Variants in CCDC18 observed in about 807,000 individuals in gnomAD.
CCDC18 encodes the protein coiled-coil domain containing 18, also known as coiled-coil domain-containing protein 18.
Under a neutral mutation model 196.0 loss-of-function variants are expected in CCDC18, and 157 were observed. The observed-to-expected ratio is 0.80, with a 90% CI of 0.70 to 0.91. CCDC18 has a LOEUF of 0.91. Ranked by LOEUF, CCDC18 falls within the 40% of genes least tolerant of loss-of-function variation. The pLI, the probability that CCDC18 is intolerant of heterozygous loss-of-function variation, is 0.00. For missense variants in CCDC18, 1,465 were observed against 1,611.6 expected, an observed-to-expected ratio of 0.91 and a Z score of 1.56; for synonymous variants, 482 against 529.2, an observed-to-expected ratio of 0.91 and a Z score of 1.22.
intron 1 of CCDC18, among the ~76,000 whole-genome samples, 190 bp downstream of exon 1, chr1:93,181,042 C>T (rs886325513): frequency 7.9e-5 from 12 of 151,296 alleles, no homozygotes; most frequent in Non-Finnish European, 1.8e-4. Flanking sequence ...GGAGGCCGGG[C>T]GCAGTGGCTT....
rs1557638343 is a variant in CCDC18 at position 93,214,931 on chromosome 1, G to A, written c.1684G>A (p.Glu562Lys). 3 of 1,608,162 alleles carry A rather than the reference G, an allele frequency of 1.9e-6. No homozygotes were observed. Among genetic ancestry groups the A allele is most frequent in the Admixed American group, 1.7e-5 (1 of 59,304 alleles). Residue 562 changes from glutamate (E) to lysine (K), a missense_variant, in exon 12 of 29, where the codon GAG becomes AAG. By Grantham distance (56) the Glu-to-Lys change is moderately conservative (BLOSUM62 1). Transcript: ENST00000690025. ...QFQLIQEELL[E>K]KASNSSKLES... The stretch of plus-strand genomic sequence containing the variant: ...TCAGCTGATTCAAGAGGAGCTGCTA[G>A]AGAAAGCTTCAAACTCCAGCAAACT...
At chr1:93,206,273 A>G (rs1432646569) in intron 8 of CCDC18, among the ~76,000 whole-genome samples, 1 of 152,132 alleles carries the variant, frequency 6.6e-6, no homozygotes, top group African/African-American at 2.4e-5. Flanking sequence ...ATTTTTGCCA[A>G]GGAGGAGGAA....
intron 27 of CCDC18, among the ~76,000 whole-genome samples, chr1:93,266,653 A>G (rs1664559349): frequency 6.6e-6 from 1 of 152,224 alleles, no homozygotes; most frequent in Non-Finnish European, 1.5e-5. Flanking sequence ...CCATCAGAGA[A>G]TACTATAAAC....
Position 93,180,810 on chromosome 1 carries a change from G to C in CCDC18, c.-45G>C. On this transcript the variant is annotated 5_prime_UTR_variant, in exon 1 of 29. Coordinates refer to ENST00000690025, the MANE Select transcript of CCDC18 (RefSeq NM_001378204.1). The stretch of plus-strand genomic sequence containing the variant: ...CGCAGGGGCCCGGGAAAGGGTCAGA[G>C]GCTTCCTAACGCAGACTCGAGTGCG... The C allele has an allele frequency of 7.3e-7, 1 of 1,367,818 alleles. No homozygotes were observed. The highest frequency in any genetic ancestry group is 9.8e-7 in the Non-Finnish European group (1 of 1,021,996). The allele number at this position is 1,367,818 out of a possible 1,614,324, so 84.7% of individuals were successfully genotyped here.
intron 4 of CCDC18, among the ~76,000 whole-genome samples, chr1:93,187,355 T>G (rs1650883818): frequency 6.6e-6 from 1 of 152,050 alleles, no homozygotes; most frequent in South Asian, 2.1e-4. Context: ...CCTAATATAT[T>G]TAGTGGCAGA....
At chr1:93,273,092 G>C (rs528650038) in intron 28 of CCDC18, among the ~76,000 whole-genome samples, 2 of 150,826 alleles carry the variant, frequency 1.3e-5, no homozygotes, top group African/African-American at 4.9e-5. Flanking sequence ...TTTTTGAGAC[G>C]GAGTCTGGCT....
intron 21 of CCDC18, among the ~76,000 whole-genome samples, chr1:93,241,489 CGAGACAAGCA>C (rs1557678259): frequency 6.6e-6 from 1 of 151,714 alleles, no homozygotes; most frequent in Admixed American, 6.6e-5. Context: ...TTTGGGAGGC[CGAGACAAGCA>C]GATCACAAGG....
At chr1:93,275,308 CA>C (rs1173993018) in intron 28 of CCDC18, among the ~76,000 whole-genome samples, 2 of 152,070 alleles carry the variant, frequency 1.3e-5, no homozygotes, top group Non-Finnish European at 2.9e-5. Flanking sequence ...GGGGTTTCAC[CA>C]TGTTGGCCAA....
At chr1:93,271,806 A>C (rs1168558349) in intron 28 of CCDC18, among the ~76,000 whole-genome samples, 2 of 152,238 alleles carry the variant, frequency 1.3e-5, no homozygotes, top group African/African-American at 4.8e-5. Flanking sequence ...TTTGTATAAT[A>C]AACAAATTTA....
intron 28 of CCDC18, among the ~76,000 whole-genome samples, chr1:93,275,072 T>A (rs1051549593): frequency 1.3e-5 from 2 of 152,182 alleles, no homozygotes. Context: ...TATGTTGCAT[T>A]AATAAATATA....
chr1:93,258,101 A>G (rs1012364834), intron 25 of CCDC18, among the ~76,000 whole-genome samples: 9 of 148,210 alleles, frequency 6.1e-5, no homozygotes, highest in African/African-American at 2.2e-4. Flanking sequence ...TTAAATTAAT[A>G]AAAATTAATT....
intron 19 of CCDC18, among the ~76,000 whole-genome samples, chr1:93,237,216 A>G (rs1039450359): frequency 8.5e-5 from 13 of 152,172 alleles, no homozygotes; most frequent in Non-Finnish European, 1.3e-4. Flanking sequence ...TCCCAAGTTT[A>G]AGACTAAGAC....
At chr1:93,255,079 A>G (rs1182826816) in intron 24 of CCDC18, among the ~76,000 whole-genome samples, 2 of 149,702 alleles carry the variant, frequency 1.3e-5, no homozygotes, top group Non-Finnish European at 3.0e-5. Flanking sequence ...CAGCCTCCCA[A>G]GTAGCTGGGA....
At chr1:93,271,661 C>T (rs771090736) in intron 28 of CCDC18, 14 of 476,522 alleles carry the variant, frequency 2.9e-5, no homozygotes, top group Non-Finnish European at 3.6e-5. Context: ...ATGGAGACCC[C>T]ATCTCAAAAA....
intron 25 of CCDC18, 22 bp downstream of exon 25, chr1:93,256,560 C>G (rs778615636): frequency 1.3e-6 from 2 of 1,561,634 alleles, no homozygotes; most frequent in Non-Finnish European, 8.8e-7. Flanking sequence ...TTTAAATAAT[C>G]TTATGTATCT....
At chr1:93,196,712 A>G (rs1652791106) in intron 6 of CCDC18, among the ~76,000 whole-genome samples, 1 of 152,262 alleles carries the variant, frequency 6.6e-6, no homozygotes, top group African/African-American at 2.4e-5. Context: ...ATGGATGTGT[A>G]TATGGAACCA....
At chr1:93,219,546 C>T (rs578190793) in intron 14 of CCDC18, among the ~76,000 whole-genome samples, 19 of 152,320 alleles carry the variant, frequency 1.2e-4, no homozygotes, top group East Asian at 3.9e-4. Flanking sequence ...AAGTGACTAA[C>T]GAGCAGGTAG....
chr1:93,183,214 T>C, intron 1 of CCDC18, 146 bp from the exon 2 acceptor site: 1 of 513,390 alleles, frequency 1.9e-6, no homozygotes, highest in Non-Finnish European at 3.3e-6. Context: ...TTATTATTGA[T>C]TTTTTGTTTT....
rs557735136 is a variant in CCDC18 at position 93,217,460 on chromosome 1, T to G, written c.1831-278T>G. On this transcript the variant is annotated intron_variant, in intron 13 of 28. Coordinates refer to ENST00000690025, the MANE Select transcript of CCDC18 (RefSeq NM_001378204.1). Reference sequence around the variant, plus strand: ...AACTGCTTTTCAATTATACTTTTTTTTTGAGACAAAGTCTCACTCTGTGGT... The same window carrying G: ...AACTGCTTTTCAATTATACTTTTTTGTTGAGACAAAGTCTCACTCTGTGGT... Among the ~76,000 whole-genome samples, 267 of 152,328 alleles carry G rather than the reference T, an allele frequency of 1.8e-3. 4 individuals are homozygous for G. The East Asian group carries it at 0.028, about 16-fold the overall frequency.
Sources: allele counts gnomAD v4.1 joint callset (sites outside exome capture counted in the v4.1 genomes callset), GRCh38; gene constraint gnomAD v4.1.1; transcripts MANE v1.5; gene names NCBI Gene and HGNC (gene_info 2026-07-23, HGNC 2026-07-21).